Variants in ABHD2 observed in about 807,000 individuals in gnomAD.
The protein encoded by ABHD2 is monoacylglycerol lipase ABHD2.
ABHD2 carries 20 observed loss-of-function variants against 48.1 expected under a neutral mutation model. The ratio of observed to expected loss-of-function variants is 0.42; its 90% CI spans 0.29 to 0.60. The LOEUF (loss-of-function observed/expected upper bound fraction) is 0.60, where lower values mean the gene tolerates loss of function less well. Among genes scored for constraint, ABHD2 ranks in the 20% least tolerant of loss-of-function variants. The pLI is 0.24. For missense variants in ABHD2, 405 were observed against 550.9 expected, an observed-to-expected ratio of 0.74 and a Z score of 2.65; for synonymous variants, 209 against 214.2, an observed-to-expected ratio of 0.98 and a Z score of 0.21.
At chr15:89,083,986 G>C (rs976349813), upstream of ABHD2, among the ~76,000 whole-genome samples, 1 of 152,050 alleles carries the variant, frequency 6.6e-6, no homozygotes, top group Non-Finnish European at 1.5e-5. The surrounding 1 kb of genome is among the most constrained non-coding windows in gnomAD (Gnocchi z 5.1). Context: ...CACAATATTG[G>C]ATCCCTCAGA....
At chr15:89,078,611 C>T in the ABHD2 span, among the ~76,000 whole-genome samples, 1 of 152,120 alleles carries the variant, frequency 6.6e-6, no homozygotes, top group Non-Finnish European at 1.5e-5. Flanking sequence ...TGGCCTTCCT[C>T]ACAATTGCTT....
At chr15:89,143,314 C>T (rs1596110590) in intron 3 of ABHD2, among the ~76,000 whole-genome samples, 1 of 152,154 alleles carries the variant, frequency 6.6e-6, no homozygotes, top group Non-Finnish European at 1.5e-5. Flanking sequence ...ATTCTTTGAA[C>T]GAACCACTGG....
chr15:89,179,951 G>C lies in ABHD2; in HGVS notation c.722+3956G>C, dbSNP rs1046152183. Among the ~76,000 whole-genome samples the C allele has an allele frequency of 2.0e-5, 3 of 152,212 alleles. No homozygotes were observed. Among genetic ancestry groups the C allele is most frequent in the African/African-American group, 4.8e-5 (2 of 41,460 alleles). On this transcript the variant is annotated intron_variant, in intron 6 of 10. Coordinates refer to ENST00000352732, the MANE Select transcript of ABHD2 (RefSeq NM_152924.5). The surrounding 1 kb of genome is among the most constrained non-coding windows in gnomAD (Gnocchi z 4.3). ...TTTCCTGCCAAATGGTGGGGATATT[G>C]TCTCTCTTGCTTTTGATGGGCAAAC...
intron 5 of ABHD2, among the ~76,000 whole-genome samples, chr15:89,159,802 GA>G (rs755978753): frequency 1.3e-5 from 2 of 151,368 alleles, no homozygotes; most frequent in South Asian, 2.1e-4. Flanking sequence ...TATTTCATCA[GA>G]ATTTTAGAAG....
At chr15:89,187,388 G>GA (rs1411753155) in intron 7 of ABHD2, among the ~76,000 whole-genome samples, 13 of 152,054 alleles carry the variant, frequency 8.5e-5, no homozygotes, top group African/African-American at 3.1e-4. Context: ...ATAGTCTTTT[G>GA]AAAAAAATAA....
chr15:89,066,446 T>C, the ABHD2 span, among the ~76,000 whole-genome samples: 2 of 152,332 alleles, frequency 1.3e-5, no homozygotes, highest in Admixed American at 1.3e-4. Context: ...CCTTAGGGCC[T>C]ACCTTAATCC....
rs370497317 is a variant in ABHD2, at chr15:89,117,283, C to G, written c.194+762C>G. On this transcript the variant is annotated intron_variant, in intron 3 of 10. Transcript: ENST00000352732. ...TCAAGTGATCTGCCCGCCTTGGCCT[C>G]CCAAAGTGCTGGGATTACAGGCATG... Among the ~76,000 whole-genome samples the G allele has an allele frequency of 1.2e-4, 18 of 152,338 alleles. No individual in the cohort carries two copies. In the East Asian group the frequency reaches 3.5e-3, roughly 29 times the overall value.
intron 3 of ABHD2, among the ~76,000 whole-genome samples, chr15:89,127,891 CTTCTCAAATCGTAGCTCTTCTAG>C (rs1042589483): frequency 1.3e-5 from 2 of 152,012 alleles, no homozygotes; most frequent in Admixed American, 1.3e-4. Context: ...ATCCTCAGGC[CTTCTCAAATCGTAGCTCTTCTAG>C]TAGCTCCTGA....
intron 3 of ABHD2, among the ~76,000 whole-genome samples, chr15:89,141,383 A>G (rs1406292026): frequency 6.6e-6 from 1 of 152,214 alleles, no homozygotes; most frequent in African/African-American, 2.4e-5. Context: ...TGTTAATCCC[A>G]GCACTTTGGA....
chr15:89,041,144 C>T, the ABHD2 span: 1 of 152,138 alleles, frequency 6.6e-6, no homozygotes, highest in Non-Finnish European at 1.5e-5. Flanking sequence ...AAGAGGAGGC[C>T]CTGGCTGCCA....
the ABHD2 span, among the ~76,000 whole-genome samples, chr15:89,074,618 G>GCACCCGA: frequency 6.6e-6 from 1 of 152,146 alleles, no homozygotes; most frequent in African/African-American, 2.4e-5. Flanking sequence ...CATAAGGCAG[G>GCACCCGA]CACCCGAAGT....
At chr15:89,147,007 A>C (rs2050503174) in intron 3 of ABHD2, among the ~76,000 whole-genome samples, 1 of 152,244 alleles carries the variant, frequency 6.6e-6, no homozygotes, top group African/African-American at 2.4e-5. Flanking sequence ...TGCGCTATCA[A>C]CTATCAAAGT....
At chr15:89,101,780 A>C (rs946379391) in intron 1 of ABHD2, among the ~76,000 whole-genome samples, 36 of 152,206 alleles carry the variant, frequency 2.4e-4, no homozygotes, top group African/African-American at 8.2e-4. Context: ...CCCCCAGTGA[A>C]TATCTTTGTA....
At chr15:89,042,429 C>T in the ABHD2 span, among the ~76,000 whole-genome samples, 1 of 152,152 alleles carries the variant, frequency 6.6e-6, no homozygotes, top group Admixed American at 6.6e-5. Flanking sequence ...CTCTGCTCCC[C>T]AATTAGACCA....
At chr15:89,144,966 A>T (rs1164426002) in intron 3 of ABHD2, among the ~76,000 whole-genome samples, 1 of 152,108 alleles carries the variant, frequency 6.6e-6, no homozygotes. Context: ...TGAAAAAACA[A>T]CTCCAGTAGG....
intron 2 of ABHD2, among the ~76,000 whole-genome samples, chr15:89,115,609 A>AAAAAC (rs2049947217): frequency 6.6e-6 from 1 of 152,178 alleles, no homozygotes; most frequent in African/African-American, 2.4e-5. Flanking sequence ...CGCAGGGGGA[A>AAAAAC]AAAACAAAAC....
At chr15:89,158,725 T>G (rs1285224113) in intron 5 of ABHD2, among the ~76,000 whole-genome samples, 1 of 152,084 alleles carries the variant, frequency 6.6e-6, no homozygotes, top group African/African-American at 2.4e-5. Context: ...TTTGTTTTGT[T>G]TTTTTGAGGC....
At chr15:89,169,958 A>T (rs1047174297) in intron 5 of ABHD2, among the ~76,000 whole-genome samples, 5 of 151,856 alleles carry the variant, frequency 3.3e-5, no homozygotes, top group African/African-American at 1.2e-4. Context: ...ATTCAGTCAG[A>T]TATGTGTGTA....
In ABHD2 at chr15:89,195,062, T is replaced by C; in HGVS notation, c.1082-165T>C. ...TAAAACCTGCTAGATGCCACTGTCT[T>C]GCCTGCCCCCTCTTTGGTGAACAAG... On this transcript the variant is annotated intron_variant, in intron 10 of 10. Transcript: ENST00000352732. The surrounding 1 kb of genome is among the most constrained non-coding windows in gnomAD (Gnocchi z 5.1). 6.6e-6 allele frequency among the ~76,000 whole-genome samples: 1 copy of C among 152,202 alleles called. No individual in the cohort carries two copies. The highest frequency in any genetic ancestry group is 1.5e-5 in the Non-Finnish European group (1 of 68,030).
Sources: gnomAD v4.1 joint callset for allele counts (sites outside exome capture counted in the v4.1 genomes callset) on GRCh38, gnomAD v4.1.1 for gene constraint, Gnocchi (gnomAD v3.1) non-coding constraint, MANE v1.5 for transcripts, NCBI Gene and HGNC (gene_info 2026-07-23, HGNC 2026-07-21) for gene names.